Variants in PBK observed in about 807,000 individuals in gnomAD.
The protein encoded by PBK is PDZ binding kinase, also known as lymphokine-activated killer T-cell-originated protein kinase.
A neutral mutation model predicts 33.5 loss-of-function variants in PBK; 22 were observed. That is an observed-to-expected ratio of 0.66 (90% CI 0.47 to 0.94). The LOEUF is 0.94. PBK is among the 40% of genes least tolerant of loss of function. PBK has a pLI of 0.00. For synonymous variants in PBK, 129 were observed against 123.8 expected, an observed-to-expected ratio of 1.04 and a Z score of -0.28; for missense variants, 376 against 383.4, an observed-to-expected ratio of 0.98 and a Z score of 0.16.
chr8:27,817,163 C>G (rs1284022894), intron 6 of PBK, among the ~76,000 whole-genome samples: 2 of 152,118 alleles, frequency 1.3e-5, no homozygotes, highest in Non-Finnish European at 2.9e-5. Context: ...CAACACATTT[C>G]CCACACGCTT....
chr8:27,820,701 T>G lies in PBK; in HGVS notation c.466-7A>C. 6.7e-7 allele frequency: 1 copy of G among 1,499,692 alleles called. No homozygotes were observed. Among genetic ancestry groups the G allele is most frequent in the East Asian group, 2.3e-5 (1 of 43,822 alleles). The allele number at this position is 1,499,692 out of a possible 1,614,324, so 92.9% of individuals were successfully genotyped here. A position where few individuals can be genotyped will look rare whatever the true frequency, so the allele number is the denominator to read the frequency against. On this transcript the variant is annotated splice_region_variant and splice_polypyrimidine_tract_variant and intron_variant, in intron 5 of 7. Transcript: ENST00000301905. Reference sequence around the variant, plus strand: ...TCTTTTCTTGGTGCAGATACTAAAATAGTAAAAAATTTAACACATATGTGC... The same window carrying G: ...TCTTTTCTTGGTGCAGATACTAAAAGAGTAAAAAATTTAACACATATGTGC...
At chr8:27,813,456 A>G (rs1419730566) in intron 6 of PBK, among the ~76,000 whole-genome samples, 1 of 152,058 alleles carries the variant, frequency 6.6e-6, no homozygotes, top group Non-Finnish European at 1.5e-5. Flanking sequence ...GAACTTAAAC[A>G]ATTTTGTTAA....
chr8:27,828,072 T>G (rs1199791803), intron 3 of PBK, 33 bp downstream of exon 3: 1 of 995,842 alleles, frequency 1.0e-6, no homozygotes, highest in Admixed American at 1.8e-5. Flanking sequence ...TATAGTTGCA[T>G]GAAAAAAGGT....
intron 4 of PBK, 56 bp downstream of exon 4, chr8:27,823,007 C>T (rs533530959): frequency 8.9e-7 from 1 of 1,120,502 alleles, no homozygotes; most frequent in East Asian, 2.4e-5. Flanking sequence ...AGCATATAAG[C>T]TGTTTCTGAA....
chr8:27,826,032 G>C (rs1806017935), intron 3 of PBK, among the ~76,000 whole-genome samples: 1 of 152,166 alleles, frequency 6.6e-6, no homozygotes, highest in Non-Finnish European at 1.5e-5. Context: ...TGAAATTTCA[G>C]AATGCTACCG....
At chr8:27,829,216 C>T (rs1417179152) in intron 2 of PBK, among the ~76,000 whole-genome samples, 1 of 151,228 alleles carries the variant, frequency 6.6e-6, no homozygotes, top group East Asian at 1.9e-4. Flanking sequence ...GGGAAAGCAC[C>T]AGAGGAAAGC....
rs764456498 is a variant in PBK at position 27,822,463 on chromosome 8, A to G, written c.321T>C (p.Asn107=). Residue 107 remains asparagine (N), a synonymous_variant, in exon 5 of 8, where the codon AAT becomes AAC. Transcript: ENST00000301905. The part of the protein sequence containing the change: ...IVGYRAFTEA[N]DGSLCLAMEY... ...CCATAGCAAGACACAGACTGCCATC[A>G]TTGGCTTCAGTAAAAGCACGATAAC... The G allele has an allele frequency of 1.2e-6, 2 of 1,608,656 alleles. No homozygotes were observed. Among genetic ancestry groups the G allele is most frequent in the Admixed American group, 3.4e-5 (2 of 58,966 alleles).
In PBK at chr8:27,831,454, G is replaced by A. The variant is rs1806127792; in HGVS notation, c.58+1602C>T. On this transcript the variant is annotated intron_variant, in intron 2 of 7. Transcript: ENST00000301905. ...AACTGATAGAAATTGGGGGTGGGGG[G>A]AAGCAGACAAATCCACATTGTAGTT... Among the ~76,000 whole-genome samples the A allele has an allele frequency of 3.7e-5, 5 of 134,434 alleles. No individual in the cohort carries two copies. In the South Asian group the frequency reaches 1.3e-3, roughly 34 times the overall value. The allele number at this position is 134,434 out of a possible 152,430, so 88.2% of individuals were successfully genotyped here.
In PBK at chr8:27,811,097, T is replaced by C; in HGVS notation, c.633A>G (p.Pro211=). The change falls in exon 7 of 8, where the codon CCA becomes CCG. Residue 211 remains proline (P), a synonymous_variant. Coordinates refer to ENST00000301905, the MANE Select transcript of PBK (RefSeq NM_018492.4). ...CCTCCACAGCTTCTTTGGGTTTCCATGGCTCTGTGCCAATGTAACAAGCCT... is the reference window on the plus strand; with the variant it reads ...CCTCCACAGCTTCTTTGGGTTTCCACGGCTCTGTGCCAATGTAACAAGCCT... The part of the protein sequence containing the change: ...DPEACYIGTE[P]WKPKEAVEEN... 6 of 1,613,874 alleles carry C rather than the reference T, an allele frequency of 3.7e-6. No homozygotes were observed. The highest frequency in any genetic ancestry group is 5.1e-6 in the Non-Finnish European group (6 of 1,179,752).
At chr8:27,826,795 C>CAAAAAAAAAAAAAAAAAAAAAAAAAA (rs5890381) in intron 3 of PBK, among the ~76,000 whole-genome samples, 1 of 66,226 alleles carries the variant, frequency 1.5e-5, no homozygotes, top group African/African-American at 7.2e-5. Flanking sequence ...GACTCCGTCT[C>CAAAAAAAAAAAAAAAAAAAAAAAAAA]AAAAAAAAAA....
chr8:27,812,850 G>T (rs1298898916), intron 6 of PBK, among the ~76,000 whole-genome samples: 1 of 152,140 alleles, frequency 6.6e-6, no homozygotes, highest in Non-Finnish European at 1.5e-5. Context: ...GGAGAAATAG[G>T]AATGCTTTTA....
At chr8:27,813,281 A>G (rs184648105) in intron 6 of PBK, among the ~76,000 whole-genome samples, 19 of 152,098 alleles carry the variant, frequency 1.2e-4, no homozygotes, top group African/African-American at 4.3e-4. Flanking sequence ...GAACACTTGG[A>G]CACAGGGTGG....
At chr8:27,834,210 TAG>T (rs1806185941) in intron 1 of PBK, among the ~76,000 whole-genome samples, 1 of 152,054 alleles carries the variant, frequency 6.6e-6, no homozygotes, top group Admixed American at 6.5e-5. Context: ...ATATTTTTGG[TAG>T]AGACGGTGTT....
chr8:27,817,430 TAAG>T (rs1383321269), intron 6 of PBK, among the ~76,000 whole-genome samples: 1 of 152,098 alleles, frequency 6.6e-6, no homozygotes, highest in Non-Finnish European at 1.5e-5. Context: ...GCATTTAAAA[TAAG>T]AAAAATATTT....
At chr8:27,825,780 T>C (rs939110817) in intron 3 of PBK, among the ~76,000 whole-genome samples, 5 of 152,098 alleles carry the variant, frequency 3.3e-5, no homozygotes, top group African/African-American at 9.7e-5. Flanking sequence ...AAAAACTCAA[T>C]AGAATTGTTG....
At chr8:27,831,535 T>TAC (rs748624921) in intron 2 of PBK, among the ~76,000 whole-genome samples, 1 of 151,774 alleles carries the variant, frequency 6.6e-6, no homozygotes, top group African/African-American at 2.4e-5. Context: ...AGAATATCAT[T>TAC]GACATTTGTA....
Position 27,828,167 on chromosome 8 carries a change from CG to C in PBK, c.89del (p.Pro30ArgfsTer15). 1 of 1,575,998 alleles carries C rather than the reference CG, an allele frequency of 6.3e-7. No individual in the cohort carries two copies. Among genetic ancestry groups the C allele is most frequent in the Non-Finnish European group, 8.7e-7 (1 of 1,148,432 alleles). On this transcript the variant is annotated frameshift_variant, in exon 3 of 8. Transcript: ENST00000301905. LOFTEE classifies it high-confidence loss of function. ...VLCSTPTINI[P>X]ASPFMQKLGF... The stretch of plus-strand genomic sequence containing the variant: ...CAAGCTTCTGCATAAACGGAGAGGC[CG>C]GGATATTTATAGTTGGAGTTGAACA...
intron 3 of PBK, among the ~76,000 whole-genome samples, chr8:27,824,167 C>CA (rs1285662029): frequency 6.6e-6 from 1 of 152,072 alleles, no homozygotes; most frequent in African/African-American, 2.4e-5. Flanking sequence ...CTTAAACCTC[C>CA]AGTTTTAAAT....
intron 3 of PBK, among the ~76,000 whole-genome samples, chr8:27,826,790 C>T (rs1303076640): frequency 2.3e-5 from 2 of 88,450 alleles, no homozygotes; most frequent in African/African-American, 1.1e-4. Flanking sequence ...AGCGAGACTC[C>T]GTCTCAAAAA....
Sources: gnomAD v4.1 joint callset for allele counts (sites outside exome capture counted in the v4.1 genomes callset) on GRCh38, gnomAD v4.1.1 for gene constraint, MANE v1.5 for transcripts, NCBI Gene and HGNC (gene_info 2026-07-23, HGNC 2026-07-21) for gene names.